Variants in PGBD1 observed in about 807,000 individuals in gnomAD.
PGBD1 encodes the protein piggyBac transposable element derived 1, also known as piggyBac transposable element-derived protein 1.
In PGBD1, 25 loss-of-function variants were observed where a neutral mutation model predicts 34.7. The ratio of observed to expected loss-of-function variants is 0.72; its 90% CI spans 0.52 to 1.00. The LOEUF is 1.00. PGBD1 is among the 50% of genes least tolerant of loss of function. The probability of loss-of-function intolerance (pLI) is 0.00; values close to 1 mark genes in which losing one functional copy is unlikely to be tolerated. For synonymous variants in PGBD1, 292 were observed against 335.7 expected (o/e 0.87, Z 1.42); for missense variants, 830 against 959.4 (o/e 0.87, Z 1.78).
At chr6:28,288,020 C>T (rs1762338532) in intron 4 of PGBD1, among the ~76,000 whole-genome samples, 1 of 152,106 alleles carries the variant, frequency 6.6e-6, no homozygotes, top group African/African-American at 2.4e-5. Flanking sequence ...ACAACGTAGT[C>T]AGGTGTTTGC....
At chr6:28,294,985 A>T (rs1330806205) in intron 4 of PGBD1, among the ~76,000 whole-genome samples, 1 of 152,208 alleles carries the variant, frequency 6.6e-6, no homozygotes. Context: ...AAAGTAAATT[A>T]AAAACCTTCT....
At chr6:28,288,285 G>T (rs2113745917) in intron 4 of PGBD1, among the ~76,000 whole-genome samples, 2 of 152,308 alleles carry the variant, frequency 1.3e-5, no homozygotes, top group Middle Eastern at 3.4e-3. Flanking sequence ...TTGGAAACAG[G>T]CTCTGTCTTA....
At chr6:28,296,101 TCAGA>T (rs891401090) in intron 4 of PGBD1, among the ~76,000 whole-genome samples, 17 of 152,310 alleles carry the variant, frequency 1.1e-4, no homozygotes, top group African/African-American at 4.1e-4. Flanking sequence ...ATAGAAAATC[TCAGA>T]CAGTTCCCCA....
rs1054030586 is a variant in PGBD1 at position 28,286,948 on chromosome 6, A to T, written c.554-132A>T. ...AAGCAGTTGTGATGCTCTTTCTCACACTGTAAAATCTACGTCTTAGTTCTT... is the reference window on the plus strand; with the variant it reads ...AAGCAGTTGTGATGCTCTTTCTCACTCTGTAAAATCTACGTCTTAGTTCTT... On this transcript the variant is annotated intron_variant, in intron 3 of 6. Coordinates refer to ENST00000682144, the MANE Select transcript of PGBD1 (RefSeq NM_032507.4). The T allele has an allele frequency of 8.6e-6, 6 of 698,378 alleles. No individual in the cohort carries two copies. The African/African-American group carries it at 1.1e-4, about 12-fold the overall frequency. The allele number at this position is 698,378 out of a possible 1,614,324, so 43.3% of individuals were successfully genotyped here. A position where few individuals can be genotyped will look rare whatever the true frequency, so the allele number is the denominator to read the frequency against.
At chr6:28,297,582 G>T (rs935518849) in intron 5 of PGBD1, among the ~76,000 whole-genome samples, 5 of 151,914 alleles carry the variant, frequency 3.3e-5, no homozygotes, top group Non-Finnish European at 7.4e-5. Flanking sequence ...TGAACTCCTG[G>T]CCTGAAGCAG....
Position 28,301,430 on chromosome 6 carries a change from A to C in PGBD1, c.1576A>C (p.Ile526Leu), listed in dbSNP as rs1330327150. ...KDKFTKLRPL[I>L]KQMNKNFLLY... is the part of the protein sequence containing the mutation. ...TAAGTTTACAAAGTTGAGACCTCTC[A>C]TAAAACAAATGAATAAAAATTTCCT... is the stretch of plus-strand genomic sequence containing the variant. Residue 526 changes from isoleucine to leucine, a missense_variant, in exon 7 of 7, where the codon ATA becomes CTA. Ile to Leu is a conservative substitution (Grantham distance 5, BLOSUM62 2). Transcript: ENST00000682144. The C allele has an allele frequency of 2.5e-6, 4 of 1,614,010 alleles. No individual in the cohort carries two copies. Among genetic ancestry groups the C allele is most frequent in the Non-Finnish European group, 1.7e-6 (2 of 1,180,022 alleles).
chr6:28,301,453 C>T lies in PGBD1; in HGVS notation c.1599C>T (p.Phe533=), dbSNP rs780789760. 1.7e-5 allele frequency: 28 copies of T among 1,613,876 alleles called. No homozygotes were observed. Among genetic ancestry groups the T allele is most frequent in the Non-Finnish European group, 1.8e-5 (21 of 1,179,984 alleles). ...TCATAAAACAAATGAATAAAAATTTCCTCTTGTATGCTCCCCTGGAAGAAT... is the reference window on the plus strand; with the variant it reads ...TCATAAAACAAATGAATAAAAATTTTCTCTTGTATGCTCCCCTGGAAGAAT... ...RPLIKQMNKN[F]LLYAPLEEYY... Residue 533 remains phenylalanine (F), a synonymous_variant, in exon 7 of 7, where the codon TTC becomes TTT. Transcript: ENST00000682144.
At position 28,285,694 on chromosome 6, in the gene PGBD1, C is replaced by A; in HGVS notation, c.540C>A (p.Pro180=). The change falls in exon 3 of 7, where the codon CCC becomes CCA. Residue 180 remains proline, a synonymous_variant. Transcript: ENST00000682144. ...CEPPQRPQGN[P]QEVSGPVPHG... ...CTCCACAGCGTCCTCAAGGGAACCC[C>A]CAAGAAGTGAGTGGTGAGTGCTCGA... The A allele has an allele frequency of 6.2e-7, 1 of 1,613,506 alleles. No homozygotes were observed.
Position 28,284,102 on chromosome 6 carries a change from C to T in PGBD1, c.289C>T (p.Pro97Ser). The T allele has an allele frequency of 6.2e-7, 1 of 1,614,072 alleles. No homozygotes were observed. The highest frequency in any genetic ancestry group is 1.1e-5 in the South Asian group (1 of 91,068). The change falls in exon 2 of 7, where the codon CCC becomes TCC. Residue 97 changes from proline (P) to serine (S), a missense_variant. Physicochemically the swap from Pro to Ser is moderately conservative, Grantham distance 74 (BLOSUM62 -1). Transcript: ENST00000682144. ...GCTGGAGCAGTTCCTGACCATCCTGCCCAAGGAGCTCCAGCCCTGTGTGAA... is the reference window on the plus strand; with the variant it reads ...GCTGGAGCAGTTCCTGACCATCCTGTCCAAGGAGCTCCAGCCCTGTGTGAA... Reference protein sequence around the residue: ...LVLEQFLTILPKELQPCVKTY... With the variant: ...LVLEQFLTILSKELQPCVKTY...
In PGBD1 at chr6:28,301,251, T is replaced by C. The variant is rs1241908507; in HGVS notation, c.1397T>C (p.Leu466Ser). The C allele has an allele frequency of 6.2e-7, 1 of 1,614,170 alleles. No homozygotes were observed. ...EMRCVFGVLLLSGFMRHPRRE... is the reference protein window; with the variant it reads ...EMRCVFGVLLSSGFMRHPRRE... ...AGGTGTGTGTTTGGTGTCTTACTTTTGAGTGGATTTATGAGGCATCCTAGA... is the reference window on the plus strand; with the variant it reads ...AGGTGTGTGTTTGGTGTCTTACTTTCGAGTGGATTTATGAGGCATCCTAGA... Residue 466 changes from leucine to serine, a missense_variant, in exon 7 of 7, where the codon TTG becomes TCG. Physicochemically the swap from Leu to Ser is moderately radical, Grantham distance 145. This residue lies in a region of PGBD1 where 372 missense variants were observed against 427.9 expected (regional missense o/e 0.87). Coordinates refer to ENST00000682144, the MANE Select transcript of PGBD1 (RefSeq NM_032507.4).
chr6:28,285,987 C>T (rs1762275688), intron 3 of PGBD1, among the ~76,000 whole-genome samples: 1 of 152,164 alleles, frequency 6.6e-6, no homozygotes, highest in Admixed American at 6.5e-5. Flanking sequence ...TACCCTGTGA[C>T]CAACATCAAG....
intron 4 of PGBD1, among the ~76,000 whole-genome samples, chr6:28,294,505 A>G (rs900229009): frequency 2.6e-5 from 4 of 152,208 alleles, no homozygotes; most frequent in Non-Finnish European, 4.4e-5. Flanking sequence ...CCTGGCTTCA[A>G]AGCTTCAAAG....
chr6:28,293,016 C>T (rs1472922457), intron 4 of PGBD1, among the ~76,000 whole-genome samples: 1 of 152,094 alleles, frequency 6.6e-6, no homozygotes, highest in Non-Finnish European at 1.5e-5. Context: ...GATCTCAGCT[C>T]ACTGCAACCT....
At chr6:28,288,238 A>G (rs1490191307) in intron 4 of PGBD1, among the ~76,000 whole-genome samples, 11 of 152,342 alleles carry the variant, frequency 7.2e-5, no homozygotes, top group African/African-American at 2.6e-4. Context: ...AGATATATGA[A>G]AATCCTAACC....
chr6:28,282,709 G>C (rs1203176939), intron 1 of PGBD1, among the ~76,000 whole-genome samples: 1 of 152,164 alleles, frequency 6.6e-6, no homozygotes, highest in African/African-American at 2.4e-5. Flanking sequence ...GCAGCTTTGA[G>C]GGACTCTGAT....
In PGBD1 at chr6:28,301,065, C is replaced by G. The variant is rs1762822152; in HGVS notation, c.1211C>G (p.Ala404Gly). Residue 404 changes from alanine (A) to glycine (G), a missense_variant, in exon 7 of 7, where the codon GCA (alanine) becomes GGA (glycine). Transcript: ENST00000682144. ...DIKPNFPSWSALDSGLLNLKS... is the reference protein window; with the variant it reads ...DIKPNFPSWSGLDSGLLNLKS... ...AAACCCAATTTTCCAAGCTGGTCAG[C>G]ACTGGATTCTGGACTTTTGAATCTC... is the stretch of plus-strand genomic sequence containing the variant. 6.2e-7 allele frequency: 1 copy of G among 1,614,054 alleles called. No homozygotes were observed. Among genetic ancestry groups the G allele is most frequent in the African/African-American group, 1.3e-5 (1 of 74,928 alleles).
chr6:28,293,462 T>C (rs1457565857), intron 4 of PGBD1, among the ~76,000 whole-genome samples: 2 of 152,222 alleles, frequency 1.3e-5, no homozygotes, highest in African/African-American at 4.8e-5. Context: ...ACTTCCTTCA[T>C]TGTGTTTCAC....
intron 6 of PGBD1, among the ~76,000 whole-genome samples, chr6:28,299,324 A>C (rs1322002966): frequency 2.8e-5 from 4 of 143,998 alleles, no homozygotes; most frequent in Admixed American, 1.4e-4. Flanking sequence ...CCCTCCTTCT[A>C]GTCCCCCTCC....
chr6:28,302,187 A>G lies in PGBD1; in HGVS notation c.2333A>G (p.His778Arg). 2 of 1,614,216 alleles carry G rather than the reference A, an allele frequency of 1.2e-6. No individual in the cohort carries two copies. The highest frequency in any genetic ancestry group is 1.7e-6 in the Non-Finnish European group (2 of 1,180,040). ...DVAMNNAWQLHRACNPGASLD... is the reference protein window; with the variant it reads ...DVAMNNAWQLRRACNPGASLD... ...GCCATGAACAATGCATGGCAACTAC[A>G]CAGAGCCTGTAACCCAGGTGCTTCT... is the stretch of plus-strand genomic sequence containing the variant. Residue 778 changes from histidine (H) to arginine (R), a missense_variant, in exon 7 of 7, where the codon CAC becomes CGC. Coordinates refer to ENST00000682144, the MANE Select transcript of PGBD1 (RefSeq NM_032507.4).
Sources: allele counts gnomAD v4.1 joint callset (sites outside exome capture counted in the v4.1 genomes callset), GRCh38; gene constraint gnomAD v4.1.1; regional missense constraint gnomAD v4.1.1; transcripts MANE v1.5; gene names NCBI Gene and HGNC (gene_info 2026-07-23, HGNC 2026-07-21).